Variants in C7 observed in about 807,000 individuals in gnomAD.
C7 encodes complement C7.
Under a neutral mutation model 104.8 loss-of-function variants are expected in C7, and 83 were observed. That is an observed-to-expected ratio of 0.79 (90% confidence interval 0.66 to 0.95). C7 has a LOEUF of 0.95. C7 is among the 40% of genes least tolerant of loss of function. The pLI is 0.00. For synonymous variants in C7, 415 were observed against 360.6 expected (o/e 1.15, Z -1.71); for missense variants, 1,070 against 1,011.2 (o/e 1.06, Z -0.79).
At chr5:40,943,942 A>G (rs1341167412) in intron 6 of C7, among the ~76,000 whole-genome samples, 3 of 151,966 alleles carry the variant, frequency 2.0e-5, no homozygotes, top group East Asian at 3.8e-4. Flanking sequence ...GTATTTTTTG[A>G]CTGGGCATAT....
intron 16 of C7, among the ~76,000 whole-genome samples, chr5:40,977,965 C>G (rs138073113): frequency 5.3e-4 from 80 of 152,022 alleles, no homozygotes; most frequent in African/African-American, 1.7e-3. Flanking sequence ...GAAACCCCTT[C>G]TCTACAAAAA....
chr5:40,931,110 T>A lies in C7; in HGVS notation c.109T>A (p.Ser37Thr). The A allele has an allele frequency of 5.0e-6, 8 of 1,613,662 alleles. No homozygotes were observed. Among genetic ancestry groups the A allele is most frequent in the Non-Finnish European group, 6.8e-6 (8 of 1,179,616 alleles). Residue 37 changes from serine to threonine, a missense_variant, in exon 3 of 18, where the codon TCA becomes ACA. Physicochemically the swap from Ser to Thr is moderately conservative, Grantham distance 58 (BLOSUM62 1). Transcript: ENST00000313164. ...CCAGTGGGACTTCTATGCCCCTTGGTCAGAATGCAATGGCTGTACCAAGAC... is the reference window on the plus strand; with the variant it reads ...CCAGTGGGACTTCTATGCCCCTTGGACAGAATGCAATGGCTGTACCAAGAC... ...NCQWDFYAPW[S>T]ECNGCTKTQT...
intron 13 of C7, among the ~76,000 whole-genome samples, chr5:40,962,541 C>T (rs1208097482): frequency 6.6e-6 from 1 of 151,914 alleles, no homozygotes; most frequent in Non-Finnish European, 1.5e-5. Flanking sequence ...TTTTTTTTCC[C>T]CCTCATAACT....
chr5:40,983,271 C>A lies in C7; in HGVS notation c.*1698C>A, dbSNP rs530141181. Among the ~76,000 whole-genome samples, 17 of 152,286 alleles carry A rather than the reference C, an allele frequency of 1.1e-4. No individual in the cohort carries two copies. In the South Asian group the frequency reaches 3.5e-3, roughly 32 times the overall value. ...CAAGTAATTCATTTGGAAGGAAATA[C>A]CTCAGTATCCTTCCAATAATTTCTC... On this transcript the variant is annotated 3_prime_UTR_variant, in exon 18 of 18. Transcript: ENST00000313164.
intron 3 of C7, among the ~76,000 whole-genome samples, chr5:40,932,284 T>A (rs1177266580): frequency 6.6e-6 from 1 of 152,182 alleles, no homozygotes; most frequent in Non-Finnish European, 1.5e-5. Flanking sequence ...TCCACTTTTT[T>A]ATTGTTTGAT....
At chr5:40,909,875 A>T (rs1739170475) in intron 1 of C7, among the ~76,000 whole-genome samples, 1 of 152,092 alleles carries the variant, frequency 6.6e-6, no homozygotes, top group Admixed American at 6.6e-5. Flanking sequence ...AGGTCTGGGA[A>T]TCAGGAATTG....
intron 3 of C7, among the ~76,000 whole-genome samples, chr5:40,931,799 G>A (rs1049903726): frequency 3.9e-5 from 6 of 151,998 alleles, no homozygotes; most frequent in African/African-American, 7.2e-5. Flanking sequence ...TCCCTCTGTC[G>A]CCAGGCTGGA....
In C7 at chr5:40,981,459, G is replaced by A; in HGVS notation, c.2418G>A (p.Val806=). Residue 806 remains valine (V), a synonymous_variant, in exon 18 of 18, where the codon GTG becomes GTA. Coordinates refer to ENST00000313164, the MANE Select transcript of C7 (RefSeq NM_000587.4). ...ECEEEGFSIC[V]EVNGKEQTMS... is the part of the protein sequence containing the mutation. ...AGGAAGAAGGGTTTAGCATTTGTGT[G>A]GAAGTGAACGGCAAGGAGCAGACGA... is the stretch of plus-strand genomic sequence containing the variant. 1.9e-6 allele frequency: 3 copies of A among 1,613,686 alleles called. No homozygotes were observed. Among genetic ancestry groups the A allele is most frequent in the Non-Finnish European group, 2.5e-6 (3 of 1,179,762 alleles).
rs572165316 is a variant in C7 at position 40,947,177 on chromosome 5, T to C, written c.739-425T>C. 5.3e-5 allele frequency among the ~76,000 whole-genome samples: 8 copies of C among 150,292 alleles called. No homozygotes were observed. In the South Asian group the frequency reaches 1.1e-3, roughly 20 times the overall value. ...TGCAGTGGTGTGATCACGGCTCACT[T>C]CAATCACTGCCTCCTGGGTTCAAGC... On this transcript the variant is annotated intron_variant, in intron 7 of 17. Coordinates refer to ENST00000313164, the MANE Select transcript of C7 (RefSeq NM_000587.4).
chr5:40,922,529 G>A (rs569974738), intron 1 of C7, among the ~76,000 whole-genome samples: 24 of 151,280 alleles, frequency 1.6e-4, no homozygotes, highest in South Asian at 4.2e-4. Context: ...GTGAAACCCC[G>A]TCTCTACTAA....
chr5:40,957,932 G>A (rs1740329938), intron 10 of C7, 101 bp from the exon 11 acceptor site: 2 of 685,650 alleles, frequency 2.9e-6, no homozygotes, highest in Non-Finnish European at 4.6e-6. Context: ...CTTGCCCGTG[G>A]CTTTTGATTT....
intron 9 of C7, among the ~76,000 whole-genome samples, chr5:40,951,970 C>T (rs999066119): frequency 7.2e-5 from 11 of 152,192 alleles, no homozygotes; most frequent in Admixed American, 1.3e-4. Context: ...AGAGAAAGTG[C>T]TTGTCTTCGT....
At chr5:40,946,042 T>G (rs1740040870) in intron 7 of C7, among the ~76,000 whole-genome samples, 1 of 151,652 alleles carries the variant, frequency 6.6e-6, no homozygotes, top group East Asian at 1.9e-4. Context: ...TGATTACTGG[T>G]GATACTATTT....
chr5:40,968,852 T>C (rs566576434), intron 14 of C7, among the ~76,000 whole-genome samples: 1 of 151,616 alleles, frequency 6.6e-6, no homozygotes, highest in South Asian at 2.1e-4. Context: ...GCTCAAGTGA[T>C]CTGCCTGCTT....
intron 1 of C7, among the ~76,000 whole-genome samples, chr5:40,915,636 G>A (rs1182863304): frequency 6.6e-6 from 1 of 152,046 alleles, no homozygotes; most frequent in African/African-American, 2.4e-5. Flanking sequence ...AAACTTATAC[G>A]ATCCACATGT....
chr5:40,968,594 A>G, intron 14 of C7, among the ~76,000 whole-genome samples: 1 of 26,130 alleles, frequency 3.8e-5, no homozygotes, highest in African/African-American at 1.9e-4. Flanking sequence ...ATATATATAT[A>G]TATATATTTT....
chr5:40,964,020 C>CTT (rs869250524), intron 13 of C7, among the ~76,000 whole-genome samples: 3 of 39,886 alleles, frequency 7.5e-5, no homozygotes, highest in Non-Finnish European at 1.8e-4. Context: ...GCTCATAATA[C>CTT]TTTTTTTTTT....
At chr5:40,978,102 T>C (rs1412762521) in intron 16 of C7, among the ~76,000 whole-genome samples, 1 of 134,212 alleles carries the variant, frequency 7.5e-6, no homozygotes, top group African/African-American at 2.9e-5. Flanking sequence ...GCCACCGCAC[T>C]CCAGCTTGGG....
chr5:40,919,208 C>T (rs1739390066), intron 1 of C7, among the ~76,000 whole-genome samples: 1 of 151,642 alleles, frequency 6.6e-6, no homozygotes, highest in South Asian at 2.1e-4. Context: ...ACTACAACCT[C>T]CACCTCCCAG....
Sources: allele counts gnomAD v4.1 joint callset (sites outside exome capture counted in the v4.1 genomes callset), GRCh38; gene constraint gnomAD v4.1.1; transcripts MANE v1.5; gene names NCBI Gene and HGNC (gene_info 2026-07-23, HGNC 2026-07-21).